The following LZTFL1 variants were observed in gnomAD, a reference collection of about 807,000 sequenced individuals.
LZTFL1 encodes leucine zipper transcription factor-like protein 1.
In LZTFL1, 25 loss-of-function variants were observed where a neutral mutation model predicts 45.9. The ratio of observed to expected loss-of-function variants is 0.54; its 90% CI spans 0.40 to 0.76. The LOEUF (loss-of-function observed/expected upper bound fraction) is 0.76. Ranked by LOEUF, LZTFL1 falls within the 30% of genes least tolerant of loss-of-function variation. The probability of loss-of-function intolerance (pLI) is 0.00; values close to 1 mark genes in which losing one functional copy is unlikely to be tolerated. For missense variants in LZTFL1, 277 were observed against 331.1 expected (o/e 0.84, Z 1.27); for synonymous variants, 93 against 117.4 (o/e 0.79, Z 1.35).
At chr3:45,912,835 T>C (rs1702823321) in intron 2 of LZTFL1, among the ~76,000 whole-genome samples, 1 of 152,058 alleles carries the variant, frequency 6.6e-6, no homozygotes, top group Non-Finnish European at 1.5e-5. Context: ...AAATCTTCAG[T>C]GATTTAAGCC....
chr3:45,827,938 AG>A (rs1486545519), intron 8 of LZTFL1, among the ~76,000 whole-genome samples: 1 of 152,118 alleles, frequency 6.6e-6, no homozygotes. Context: ...CCTGGGCTCA[AG>A]CAATCCTGCC....
intron 1 of LZTFL1, chr3:45,841,689 C>T (rs927904328): frequency 2.0e-5 from 11 of 546,124 alleles, no homozygotes; most frequent in Admixed American, 3.1e-5. Flanking sequence ...CTCTATCTCT[C>T]CTCACCTGCC....
chr3:45,887,033 T>C (rs1285088042), intron 2 of LZTFL1, among the ~76,000 whole-genome samples: 1 of 152,054 alleles, frequency 6.6e-6, no homozygotes, highest in East Asian at 1.9e-4. Flanking sequence ...TTTGTAGCAG[T>C]GAAAAACTGG....
At chr3:45,888,645 G>A (rs1048028294) in intron 2 of LZTFL1, among the ~76,000 whole-genome samples, 2 of 152,156 alleles carry the variant, frequency 1.3e-5, no homozygotes, top group Non-Finnish European at 2.9e-5. Flanking sequence ...CCGACAGACC[G>A]CTGAGATGGT....
Position 45,901,999 on chromosome 3 carries a change from C to CTCT in LZTFL1, c.-215+11120_-215+11121insAGA. ...AGAGAGAGTGAAAGAGAAAAGAAAA[C>CTCT]TCAGAAAGGGATGAATCTGAACTAT... On this transcript the variant is annotated intron_variant, in intron 2 of 4. Transcript: ENST00000472635. This position sits in a 1 kb window ranked among gnomAD's most constrained non-coding sequence, Gnocchi z 4.3. 1 of 1,004,574 alleles carries CTCT rather than the reference C, an allele frequency of 1.0e-6. No individual in the cohort carries two copies. Among genetic ancestry groups the CTCT allele is most frequent in the Non-Finnish European group, 1.5e-6 (1 of 686,918 alleles). 62.2% of individuals were successfully genotyped at this position (1,004,574 alleles called of 1,614,324 possible). A position where few individuals can be genotyped will look rare whatever the true frequency, so the allele number is the denominator to read the frequency against.
At chr3:45,841,892 G>T in intron 1 of LZTFL1, 97 bp downstream of exon 1, 1 of 1,480,728 alleles carries the variant, frequency 6.8e-7, no homozygotes, top group South Asian at 1.2e-5. Context: ...GACCCAACGA[G>T]GCCACGTAAT....
chr3:45,848,164 C>T (rs150719194), intron 4 of LZTFL1, among the ~76,000 whole-genome samples: 5 of 152,186 alleles, frequency 3.3e-5, no homozygotes, highest in Non-Finnish European at 7.3e-5. Context: ...ATCCTATACC[C>T]ACATAAAAGC....
upstream of LZTFL1, among the ~76,000 whole-genome samples, chr3:45,846,589 G>A (rs972234931): frequency 2.6e-5 from 4 of 152,042 alleles, no homozygotes; most frequent in Non-Finnish European, 5.9e-5. Context: ...TGCATTATAT[G>A]TATTATATAC....
intron 2 of LZTFL1, among the ~76,000 whole-genome samples, chr3:45,879,424 T>C (rs566985590): frequency 3.9e-5 from 6 of 152,208 alleles, no homozygotes; most frequent in Non-Finnish European, 8.8e-5. Flanking sequence ...GGCTATATAC[T>C]GTATGATTCC....
chr3:45,874,254 C>T (rs2125719106), intron 2 of LZTFL1, among the ~76,000 whole-genome samples: 1 of 152,274 alleles, frequency 6.6e-6, no homozygotes, highest in East Asian at 1.9e-4. Context: ...ATGATAGCCA[C>T]TGAAAAAATC....
At chr3:45,912,509 G>A (rs994781253) in intron 2 of LZTFL1, among the ~76,000 whole-genome samples, 2 of 152,106 alleles carry the variant, frequency 1.3e-5, no homozygotes, top group African/African-American at 2.4e-5. Flanking sequence ...TGCGAAGCTC[G>A]GGCACTTTTA....
chr3:45,866,810 A>G (rs375960713), intron 2 of LZTFL1, among the ~76,000 whole-genome samples: 2 of 152,234 alleles, frequency 1.3e-5, no homozygotes, highest in African/African-American at 4.8e-5. Context: ...AATGGATCCA[A>G]TTAAGTAGGT....
chr3:45,890,453 G>A (rs905588199), intron 2 of LZTFL1, among the ~76,000 whole-genome samples: 4 of 145,256 alleles, frequency 2.8e-5, no homozygotes, highest in African/African-American at 1.0e-4. Context: ...GCTGAGTTGA[G>A]GTCTTCCAAA....
chr3:45,837,382 AG>A (rs1209885932), intron 2 of LZTFL1, among the ~76,000 whole-genome samples: 2 of 152,160 alleles, frequency 1.3e-5, no homozygotes, highest in African/African-American at 4.8e-5. Context: ...GCTCACTTGG[AG>A]GTCTTTTTCA....
chr3:45,897,236 CA>C lies in LZTFL1; in HGVS notation c.-215+15883del, dbSNP rs1315389372. ...AAAACTATGAGTGTGAGTCATGACA[CA>C]GGGGGTGTTGTTCCAGGATTCCTCT... On this transcript the variant is annotated intron_variant, in intron 2 of 4. Transcript: ENST00000472635. 2.6e-5 allele frequency among the ~76,000 whole-genome samples: 4 copies of C among 152,324 alleles called. No homozygotes were observed. The East Asian group carries it at 5.8e-4, about 22-fold the overall frequency.
chr3:45,862,018 G>A (rs1349848709), intron 2 of LZTFL1, among the ~76,000 whole-genome samples: 1 of 152,132 alleles, frequency 6.6e-6, no homozygotes, highest in African/African-American at 2.4e-5. Flanking sequence ...CATTTTTCCT[G>A]AGAAAATAAA....
chr3:45,892,857 A>G (rs1277910714), intron 2 of LZTFL1, among the ~76,000 whole-genome samples: 1 of 152,168 alleles, frequency 6.6e-6, no homozygotes, highest in Admixed American at 6.5e-5. Context: ...TACCAGGAGG[A>G]AGTTCTGGTT....
intron 2 of LZTFL1, among the ~76,000 whole-genome samples, chr3:45,910,538 C>T (rs750630716): frequency 4.6e-5 from 7 of 152,140 alleles, no homozygotes; most frequent in African/African-American, 7.2e-5. Flanking sequence ...CTAGGAGCAG[C>T]TTCCCAGGCA....
chr3:45,849,245 T>C (rs180959705), intron 4 of LZTFL1, among the ~76,000 whole-genome samples: 319 of 152,188 alleles, frequency 2.1e-3, no homozygotes, highest in Non-Finnish European at 3.7e-3. Context: ...AATCCCTGAA[T>C]TGAACCTTCA....
Sources: allele counts gnomAD v4.1 joint callset (sites outside exome capture counted in the v4.1 genomes callset), GRCh38; gene constraint gnomAD v4.1.1; non-coding constraint Gnocchi (gnomAD v3.1); transcripts MANE v1.5; gene names NCBI Gene and HGNC (gene_info 2026-07-23, HGNC 2026-07-21).